The following PDC variants were observed in gnomAD, a reference collection of about 807,000 sequenced individuals.
PDC encodes 33 kDa phototransducing protein.
Under a neutral mutation model 22.2 loss-of-function variants are expected in PDC, and 19 were observed. The ratio of observed to expected loss-of-function variants is 0.86; its 90% confidence interval spans 0.60 to 1.26. The LOEUF (loss-of-function observed/expected upper bound fraction) is 1.26, where lower values mean the gene tolerates loss of function less well. Among genes scored for constraint, PDC ranks in the 50% most tolerant of loss-of-function variants. The pLI is 0.00. For synonymous variants in PDC, 97 were observed against 96.2 expected (o/e 1.01, Z -0.05); for missense variants, 274 against 286.8 (o/e 0.96, Z 0.32).
intron 2 of PDC, among the ~76,000 whole-genome samples, chr1:186,448,282 T>C (rs1421963633): frequency 6.6e-6 from 1 of 152,202 alleles, no homozygotes; most frequent in African/African-American, 2.4e-5. Context: ...GTGCCAAAAA[T>C]GTGTTATTAA....
At chr1:186,455,274 A>G (rs564696160) in intron 1 of PDC, among the ~76,000 whole-genome samples, 2 of 152,184 alleles carry the variant, frequency 1.3e-5, no homozygotes, top group Admixed American at 6.5e-5. Context: ...TTGTAATTCT[A>G]TGGGATCAGA....
At chr1:186,446,620 A>G in intron 2 of PDC, 43 bp from the exon 3 acceptor site, 1 of 1,230,636 alleles carries the variant, frequency 8.1e-7, no homozygotes, top group Non-Finnish European at 1.2e-6. Flanking sequence ...TTTTATTTTC[A>G]AAAGGACTGT....
chr1:186,447,053 A>G (rs1003028293), intron 2 of PDC, among the ~76,000 whole-genome samples: 2 of 152,220 alleles, frequency 1.3e-5, no homozygotes, highest in Non-Finnish European at 2.9e-5. Context: ...CCTGACCTCA[A>G]CAAAACTAAA....
intron 1 of PDC, among the ~76,000 whole-genome samples, chr1:186,459,752 G>GTGTATATATATATATATATATA (rs1299957095): frequency 2.7e-5 from 3 of 112,104 alleles, no homozygotes; most frequent in Non-Finnish European, 3.8e-5. Flanking sequence ...GTGTGTGTGT[G>GTGTATATATATATATATATATA]TATATATATA....
chr1:186,448,248 C>T (rs1402178090), intron 2 of PDC, among the ~76,000 whole-genome samples: 4 of 152,166 alleles, frequency 2.6e-5, no homozygotes, highest in Non-Finnish European at 4.4e-5. Context: ...TACCAATTTA[C>T]ACTGCTATCA....
chr1:186,460,934 A>G (rs1397695853), intron 1 of PDC, 125 bp downstream of exon 1: 2 of 154,150 alleles, frequency 1.3e-5, no homozygotes, highest in African/African-American at 4.8e-5. Context: ...TAGATAATTC[A>G]AAACCTTATG....
At chr1:186,449,319 G>T in intron 2 of PDC, 80 bp downstream of exon 2, 1 of 759,880 alleles carries the variant, frequency 1.3e-6, no homozygotes, top group Non-Finnish European at 2.2e-6. Context: ...AGTACATACT[G>T]AATAGTGTCA....
In PDC at chr1:186,444,471, C is replaced by G. The variant is rs747751839; in HGVS notation, c.249G>C (p.Glu83Asp). The G allele has an allele frequency of 6.2e-7, 1 of 1,606,094 alleles. No individual in the cohort carries two copies. Among genetic ancestry groups the G allele is most frequent in the Non-Finnish European group, 8.5e-7 (1 of 1,173,160 alleles). ...SIQEYELIHK[E>D]KEDENCLRKY... is the part of the protein sequence containing the mutation. The stretch of plus-strand genomic sequence containing the variant: ...TACGAAGGCAGTTTTCATCCTCTTT[C>G]TCTTTATGGATTAGTTCATATTCTT... The change falls in exon 4 of 4, where the codon GAG (glutamate) becomes GAC (aspartate). Residue 83 changes from glutamate to aspartate, a missense_variant. Physicochemically the swap from Glu to Asp is conservative, Grantham distance 45 (BLOSUM62 2). Coordinates refer to ENST00000391997, the MANE Select transcript of PDC (RefSeq NM_002597.5).
intron 1 of PDC, among the ~76,000 whole-genome samples, chr1:186,458,226 CTTTTTTT>C (rs1157926478): frequency 1.0e-4 from 9 of 88,396 alleles, no homozygotes; most frequent in African/African-American, 3.7e-4. Context: ...TACAGATATT[CTTTTTTT>C]TTTTTTTTTT....
intron 1 of PDC, among the ~76,000 whole-genome samples, chr1:186,454,168 C>CTTTTTTTTTTTTTTTTT (rs397860509): frequency 1.1e-5 from 1 of 94,230 alleles, no homozygotes; most frequent in African/African-American, 4.4e-5. Context: ...TCTTTTCTTT[C>CTTTTTTTTTTTTTTTTT]TTTTTTTTTT....
At chr1:186,449,324 G>T in intron 2 of PDC, 75 bp downstream of exon 2, 2 of 789,820 alleles carry the variant, frequency 2.5e-6, no homozygotes, top group Non-Finnish European at 2.1e-6. Context: ...ATACTGAATA[G>T]TGTCAATAAG....
In PDC at chr1:186,458,226, C is replaced by CTTTTTTTTT. The variant is rs1157926478; in HGVS notation, c.-25+2824_-25+2832dup. Among the ~76,000 whole-genome samples the CTTTTTTTTT allele has an allele frequency of 1.5e-3, 134 of 88,390 alleles. 10 individuals are homozygous for CTTTTTTTTT. Among genetic ancestry groups the CTTTTTTTTT allele is most frequent in the African/African-American group, 5.7e-3 (125 of 21,808 alleles). The allele number at this position is 88,390 out of a possible 152,430, so 58.0% of individuals were successfully genotyped here. On this transcript the variant is annotated intron_variant, in intron 1 of 3. Coordinates refer to ENST00000391997, the MANE Select transcript of PDC (RefSeq NM_002597.5). ...TTTGCTATTATGACATACAGATATTCTTTTTTTTTTTTTTTTTTTTTTTTT... is the reference window on the plus strand; with the variant it reads ...TTTGCTATTATGACATACAGATATTCTTTTTTTTTTTTTTTTTTTTTTTTTTTTTTTTTT...
chr1:186,443,928 C>A lies in PDC; in HGVS notation c.*51G>T. On this transcript the variant is annotated 3_prime_UTR_variant, in exon 4 of 4. Transcript: ENST00000391997. ...TAAAGCAATATAGATACTACCAAAA[C>A]CATCATCCAATACCTAAAGGATAAA... 1 of 1,382,364 alleles carries A rather than the reference C, an allele frequency of 7.2e-7. No individual in the cohort carries two copies. Among genetic ancestry groups the A allele is most frequent in the Non-Finnish European group, 1.0e-6 (1 of 990,688 alleles). The allele number at this position is 1,382,364 out of a possible 1,614,324, so 85.6% of individuals were successfully genotyped here. A position where few individuals can be genotyped will look rare whatever the true frequency, so the allele number is the denominator to read the frequency against.
Position 186,459,750 on chromosome 1 carries a change from GTGTATATATATATA to G in PDC, c.-25+1295_-25+1308del, listed in dbSNP as rs1423712351. On this transcript the variant is annotated intron_variant, in intron 1 of 3. Coordinates refer to ENST00000391997, the MANE Select transcript of PDC (RefSeq NM_002597.5). ...GGTACAATGGACAATATGTGTGTGT[GTGTATATATATATA>G]TATATATATATATATATTTAAAATG... 7.4e-4 allele frequency among the ~76,000 whole-genome samples: 51 copies of G among 68,580 alleles called. 2 individuals carry two copies. The highest frequency in any genetic ancestry group is 7.9e-3 in the Middle Eastern group (1 of 126). The allele number at this position is 68,580 out of a possible 152,430, so 45.0% of individuals were successfully genotyped here.
intron 1 of PDC, among the ~76,000 whole-genome samples, chr1:186,453,434 GT>G (rs1296107418): frequency 6.6e-6 from 1 of 152,152 alleles, no homozygotes; most frequent in Non-Finnish European, 1.5e-5. Flanking sequence ...CTTCAAACCT[GT>G]TTAATCAGAA....
chr1:186,454,168 CTTTTTTT>C (rs397860509), intron 1 of PDC, among the ~76,000 whole-genome samples: 20 of 94,210 alleles, frequency 2.1e-4, no homozygotes, highest in South Asian at 7.5e-4. Context: ...TCTTTTCTTT[CTTTTTTT>C]TTTTTTTTTT....
At chr1:186,455,993 A>AT (rs1662459414) in intron 1 of PDC, among the ~76,000 whole-genome samples, 1 of 89,776 alleles carries the variant, frequency 1.1e-5, no homozygotes, top group East Asian at 3.8e-4. Context: ...AAAAAAAAAA[A>AT]AATATATATA....
At chr1:186,454,141 G>C (rs1202849619) in intron 1 of PDC, among the ~76,000 whole-genome samples, 1 of 149,270 alleles carries the variant, frequency 6.7e-6, no homozygotes, top group Non-Finnish European at 1.5e-5. Flanking sequence ...TGTAATAGAA[G>C]AGTCTGTTTA....
rs367713236 is a variant in PDC, at chr1:186,444,201, C to T, written c.519G>A (p.Ser173=). The change falls in exon 4 of 4, where the codon TCG becomes TCA. Residue 173 remains serine, a synonymous_variant. Transcript: ENST00000391997. ...PIVKFCKIKA[S]NTGAGDRFSL... Reference sequence around the variant, plus strand: ...AAAAGCGGTCCCCAGCACCTGTATTCGAAGCTTTTATTTTACAAAACTTAA... The same window carrying T: ...AAAAGCGGTCCCCAGCACCTGTATTTGAAGCTTTTATTTTACAAAACTTAA... 159 of 1,613,754 alleles carry T rather than the reference C, an allele frequency of 9.9e-5. No individual in the cohort carries two copies. Among genetic ancestry groups the T allele is most frequent in the Admixed American group, 1.3e-4 (8 of 59,990 alleles).
Sources: gnomAD v4.1 joint callset for allele counts (sites outside exome capture counted in the v4.1 genomes callset) on GRCh38, gnomAD v4.1.1 for gene constraint, MANE v1.5 for transcripts, NCBI Gene and HGNC (gene_info 2026-07-23, HGNC 2026-07-21) for gene names.